Variants in KLF12 observed in about 807,000 individuals in gnomAD.
The protein encoded by KLF12 is KLF transcription factor 12, also known as Krueppel-like factor 12.
KLF12 carries 9 observed loss-of-function variants against 37.8 expected under a neutral mutation model. The ratio of observed to expected loss-of-function variants is 0.24; its 90% CI spans 0.14 to 0.42. The LOEUF (loss-of-function observed/expected upper bound fraction) is 0.42, where lower values mean the gene tolerates loss of function less well. KLF12 is among the 10% of genes least tolerant of loss of function. KLF12 has a pLI of 1.00. For synonymous variants in KLF12, 208 were observed against 202.1 expected (o/e 1.03, Z -0.25); for missense variants, 411 against 516.0 (o/e 0.80, Z 1.97).
At chr13:73,720,395 A>G in intron 6 of KLF12, among the ~76,000 whole-genome samples, 1 of 152,310 alleles carries the variant, frequency 6.6e-6, no homozygotes, top group Non-Finnish European at 1.5e-5. Flanking sequence ...ACTACTGCAT[A>G]CACCAGTAGA....
chr13:73,780,450 T>C (rs150132485), intron 5 of KLF12, among the ~76,000 whole-genome samples: 303 of 150,978 alleles, frequency 2.0e-3, no homozygotes, highest in Middle Eastern at 6.8e-3. Flanking sequence ...TGCATCCTCA[T>C]AGCTTAGCAC....
At chr13:74,075,890 G>A (rs556387483) in intron 1 of KLF12, among the ~76,000 whole-genome samples, 1 of 152,264 alleles carries the variant, frequency 6.6e-6, no homozygotes, top group South Asian at 2.1e-4. Context: ...AATAATTACA[G>A]TGTAATTAAA....
the KLF12 span, among the ~76,000 whole-genome samples, chr13:74,305,376 T>A: frequency 6.6e-6 from 1 of 152,242 alleles, no homozygotes; most frequent in Admixed American, 6.6e-5. Context: ...TGATATCTAA[T>A]TTTTCTTCAT....
chr13:74,000,699 A>C (rs1328930312), intron 1 of KLF12, among the ~76,000 whole-genome samples: 1 of 152,206 alleles, frequency 6.6e-6, no homozygotes, highest in Non-Finnish European at 1.5e-5. Flanking sequence ...CATTTTCAGA[A>C]GGAGAAGGTA....
At chr13:73,849,092 C>T (rs893942199) in intron 3 of KLF12, among the ~76,000 whole-genome samples, 1 of 152,086 alleles carries the variant, frequency 6.6e-6, no homozygotes, top group Non-Finnish European at 1.5e-5. Context: ...GCCAGAAGTA[C>T]TGCAAAAATA....
intron 3 of KLF12, among the ~76,000 whole-genome samples, chr13:73,847,772 G>A (rs1048058502): frequency 1.3e-5 from 2 of 152,044 alleles, no homozygotes; most frequent in Non-Finnish European, 2.9e-5. Flanking sequence ...TTCAGTTTAT[G>A]TGCTGAAATT....
intron 7 of KLF12, among the ~76,000 whole-genome samples, chr13:73,713,076 C>G (rs1875527727): frequency 6.6e-6 from 1 of 152,106 alleles, no homozygotes; most frequent in Non-Finnish European, 1.5e-5. Context: ...TAAAAAGACA[C>G]AGTGATCAGT....
chr13:73,804,043 C>T (rs1202279090), intron 5 of KLF12, among the ~76,000 whole-genome samples: 1 of 152,106 alleles, frequency 6.6e-6, no homozygotes, highest in Non-Finnish European at 1.5e-5. Context: ...AAAGAATAAA[C>T]TCATCCTTCC....
At chr13:73,883,178 T>C (rs1453839231) in intron 3 of KLF12, among the ~76,000 whole-genome samples, 1 of 152,188 alleles carries the variant, frequency 6.6e-6, no homozygotes, top group African/African-American at 2.4e-5. Context: ...AGATCATGCA[T>C]TACTGTACAT....
chr13:74,025,882 C>G (rs141774992), intron 1 of KLF12, among the ~76,000 whole-genome samples: 209 of 152,278 alleles, frequency 1.4e-3, no homozygotes, highest in African/African-American at 4.8e-3. Context: ...GACTTGACAA[C>G]TGTCAGATAA....
chr13:73,765,137 T>C, intron 5 of KLF12, 137 bp from the exon 6 acceptor site: 1 of 580,074 alleles, frequency 1.7e-6, no homozygotes, highest in Admixed American at 3.2e-5. Context: ...CCCCTCTTAG[T>C]AAATGATGCA....
the KLF12 span, among the ~76,000 whole-genome samples, chr13:74,291,635 C>T: frequency 8.0e-4 from 121 of 152,138 alleles, no homozygotes; most frequent in East Asian, 0.01. Flanking sequence ...GGATTTTAAC[C>T]GGCAGAAAAA....
At chr13:74,005,588 C>T (rs1247104768) in intron 1 of KLF12, among the ~76,000 whole-genome samples, 1 of 152,106 alleles carries the variant, frequency 6.6e-6, no homozygotes, top group African/African-American at 2.4e-5. Flanking sequence ...AACTGCATTT[C>T]AGTTCAGGAA....
the KLF12 span, among the ~76,000 whole-genome samples, chr13:74,286,650 A>C: frequency 5.9e-5 from 9 of 152,230 alleles, no homozygotes; most frequent in South Asian, 1.7e-3. Context: ...GTTTACAGGG[A>C]CTCCTAGGTA....
At chr13:73,959,898 T>C (rs1360260473) in intron 2 of KLF12, among the ~76,000 whole-genome samples, 1 of 152,146 alleles carries the variant, frequency 6.6e-6, no homozygotes, top group African/African-American at 2.4e-5. Context: ...CTTTTGAAAG[T>C]TAAAATTGCG....
intron 3 of KLF12, among the ~76,000 whole-genome samples, chr13:73,940,907 G>A (rs756407626): frequency 4.6e-5 from 7 of 152,182 alleles, no homozygotes; most frequent in Non-Finnish European, 7.3e-5. Context: ...GAGGGGTGGG[G>A]AGACATGCAG....
intron 1 of KLF12, among the ~76,000 whole-genome samples, chr13:74,028,505 A>G (rs1011498760): frequency 6.6e-6 from 1 of 152,146 alleles, no homozygotes; most frequent in African/African-American, 2.4e-5. Context: ...TCATAATTTC[A>G]TAACGTTTTT....
At chr13:73,915,137 C>A (rs1260748302) in intron 3 of KLF12, among the ~76,000 whole-genome samples, 1 of 152,144 alleles carries the variant, frequency 6.6e-6, no homozygotes, top group Admixed American at 6.5e-5. Flanking sequence ...CTGTCTGCGT[C>A]ACTCCAATTT....
Position 73,690,081 on chromosome 13 carries a change from A to T in KLF12, c.*5409T>A, listed in dbSNP as rs1482768339. 3 of 152,538 alleles carry T rather than the reference A, an allele frequency of 2.0e-5. No individual in the cohort carries two copies. The highest frequency in any genetic ancestry group is 7.2e-5 in the African/African-American group (3 of 41,448). The allele number at this position is 152,538 out of a possible 1,614,324, so 9.4% of individuals were successfully genotyped here. On this transcript the variant is annotated 3_prime_UTR_variant, in exon 8 of 8. Transcript: ENST00000377669. ...AGCTATAAAAGCGTTTTTTGTGGGC[A>T]TGTGAACAGATTTGATTTACTATGT... is the stretch of plus-strand genomic sequence containing the variant.
Sources: allele counts gnomAD v4.1 joint callset (sites outside exome capture counted in the v4.1 genomes callset), GRCh38; gene constraint gnomAD v4.1.1; transcripts MANE v1.5; gene names NCBI Gene and HGNC (gene_info 2026-07-23, HGNC 2026-07-21).